The following LRRC56 variants were observed in gnomAD, a reference collection of about 807,000 sequenced individuals.
LRRC56 encodes leucine-rich repeat-containing protein 56.
A neutral mutation model predicts 47.8 loss-of-function variants in LRRC56; 41 were observed. The ratio of observed to expected loss-of-function variants is 0.86; its 90% CI spans 0.67 to 1.11. The LOEUF is 1.11. Among genes scored for constraint, LRRC56 ranks in the 50% most tolerant of loss-of-function variants. LRRC56 has a pLI of 0.00. For synonymous variants in LRRC56, 387 were observed against 311.2 expected (o/e 1.24, Z -2.56); for missense variants, 759 against 704.2 (o/e 1.08, Z -0.88).
the LRRC56 span, among the ~76,000 whole-genome samples, chr11:514,510 G>A: frequency 2.0e-5 from 3 of 151,988 alleles, no homozygotes; most frequent in Non-Finnish European, 4.4e-5. Flanking sequence ...CTGGTCTCCT[G>A]AGCTCATGCA....
At chr11:539,383 C>CTTTTTTT (rs1564796153) in intron 2 of LRRC56, among the ~76,000 whole-genome samples, 197 bp from the exon 3 acceptor site, 1 of 81,946 alleles carries the variant, frequency 1.2e-5, no homozygotes, top group African/African-American at 5.4e-5. Flanking sequence ...CCGCACCCAG[C>CTTTTTTT]CTTTTTTTTT....
At chr11:530,596 G>A in the LRRC56 span, among the ~76,000 whole-genome samples, 3 of 69,436 alleles carry the variant, frequency 4.3e-5, no homozygotes, top group South Asian at 1.9e-3. Flanking sequence ...GGAGTGTGGC[G>A]TCCCCTGGAG....
upstream of LRRC56, chr11:532,713 G>T: frequency 6.2e-7 from 1 of 1,613,194 alleles, no homozygotes; most frequent in South Asian, 1.1e-5. Flanking sequence ...AGCTTGTGCT[G>T]CCGGATCTCA....
chr11:554,115 G>T lies in LRRC56; in HGVS notation c.1468G>T (p.Gly490Cys). 1.2e-6 allele frequency: 2 copies of T among 1,605,386 alleles called. No individual in the cohort carries two copies. The highest frequency in any genetic ancestry group is 2.2e-5 in the South Asian group (2 of 90,790). The part of the protein sequence containing the change: ...RVLGSWGPGL[G>C]DGVAAVPVLR... Reference sequence around the variant, plus strand: ...CCTGGGCAGCTGGGGGCCTGGCCTGGGTGATGGGGTGGCTGCAGTGCCTGT... The same window carrying T: ...CCTGGGCAGCTGGGGGCCTGGCCTGTGTGATGGGGTGGCTGCAGTGCCTGT... The change falls in exon 14 of 14, where the codon GGT (glycine) becomes TGT (cysteine). Residue 490 changes from glycine to cysteine, a missense_variant. Physicochemically the swap from Gly to Cys is radical, Grantham distance 159. Coordinates refer to ENST00000270115, the MANE Select transcript of LRRC56 (RefSeq NM_198075.4).
At chr11:511,298 G>A in the LRRC56 span, among the ~76,000 whole-genome samples, 2 of 150,188 alleles carry the variant, frequency 1.3e-5, no homozygotes, top group East Asian at 3.9e-4. Flanking sequence ...TCCAGCCTGG[G>A]CGACAGAGCT....
upstream of LRRC56, chr11:533,256 C>T (rs768663236): frequency 6.4e-7 from 1 of 1,559,260 alleles, no homozygotes; most frequent in Non-Finnish European, 8.6e-7. Context: ...CCTCACTGCC[C>T]TGCCGTCCCG....
At chr11:547,642 A>G (rs1014012976) in intron 6 of LRRC56, among the ~76,000 whole-genome samples, 22 of 151,886 alleles carry the variant, frequency 1.4e-4, no homozygotes, top group Non-Finnish European at 2.6e-4. Flanking sequence ...GTGAGCCACC[A>G]CGCCCGGCCA....
chr11:511,538 C>T, the LRRC56 span, among the ~76,000 whole-genome samples: 1 of 152,196 alleles, frequency 6.6e-6, no homozygotes, highest in Admixed American at 6.5e-5. Flanking sequence ...TGCCACTTAG[C>T]AGGAGGAGCT....
chr11:533,097 G>T (rs543332590), upstream of LRRC56, among the ~76,000 whole-genome samples: 3 of 152,230 alleles, frequency 2.0e-5, no homozygotes, highest in African/African-American at 7.2e-5. Context: ...ACAGGTGCCC[G>T]TGGGACACTC....
Position 541,729 on chromosome 11 carries a change from C to G in LRRC56, c.265+105C>G, listed in dbSNP as rs1427824641. 8 of 700,134 alleles carry G rather than the reference C, an allele frequency of 1.1e-5. No individual in the cohort carries two copies. In the Admixed American group the frequency reaches 2.8e-4, roughly 24 times the overall value. 43.4% of individuals were successfully genotyped at this position (700,134 alleles called of 1,614,324 possible). A position where few individuals can be genotyped will look rare whatever the true frequency, so the allele number is the denominator to read the frequency against. On this transcript the variant is annotated intron_variant, in intron 5 of 13. Coordinates refer to ENST00000270115, the MANE Select transcript of LRRC56 (RefSeq NM_198075.4). The surrounding 1 kb of genome is among the most constrained non-coding windows in gnomAD (Gnocchi z 4.1). ...GACAAAGCTGTCCTCACCTCTCGGGCCGCGTATCGGCTTCCTTAGGGTTGG... is the reference window on the plus strand; with the variant it reads ...GACAAAGCTGTCCTCACCTCTCGGGGCGCGTATCGGCTTCCTTAGGGTTGG...
chr11:513,224 C>G, the LRRC56 span, among the ~76,000 whole-genome samples: 3 of 152,222 alleles, frequency 2.0e-5, no homozygotes, highest in African/African-American at 7.2e-5. Flanking sequence ...GGCGCAATCT[C>G]GGCTCACTGC....
upstream of LRRC56, chr11:534,360 G>A (rs372174407): frequency 9.1e-6 from 14 of 1,533,638 alleles, no homozygotes; most frequent in African/African-American, 8.2e-5. Flanking sequence ...TCCTCCTACA[G>A]GGTCTCCTGC....
chr11:512,861 C>G, the LRRC56 span, among the ~76,000 whole-genome samples: 149 of 152,264 alleles, frequency 9.8e-4, 1 homozygote, highest in African/African-American at 3.5e-3. Flanking sequence ...CCTGGCTTTG[C>G]CCAGGAAACA....
At position 543,798 on chromosome 11, in the gene LRRC56, G is replaced by T. The variant is rs529850524; in HGVS notation, c.266-922G>T. Among the ~76,000 whole-genome samples, 80 of 152,160 alleles carry T rather than the reference G, an allele frequency of 5.3e-4. No individual in the cohort carries two copies. In the East Asian group the frequency reaches 0.015, roughly 29 times the overall value. ...GAGTCTCGCTCTGTCACCCAGGCTG[G>T]AGTGCAGTGGCGCAATCTCGGCTCA... On this transcript the variant is annotated intron_variant, in intron 5 of 13. Coordinates refer to ENST00000270115, the MANE Select transcript of LRRC56 (RefSeq NM_198075.4).
At chr11:525,821 G>A in the LRRC56 span, among the ~76,000 whole-genome samples, 1 of 151,936 alleles carries the variant, frequency 6.6e-6, no homozygotes, top group East Asian at 1.9e-4. Flanking sequence ...GATCACTTAA[G>A]CCAGGCAGGT....
At chr11:545,457 G>A (rs1036266123) in intron 6 of LRRC56, among the ~76,000 whole-genome samples, 4 of 152,152 alleles carry the variant, frequency 2.6e-5, no homozygotes, top group Non-Finnish European at 4.4e-5. Flanking sequence ...CAGACCAGAC[G>A]GCAGCCCCTG....
At chr11:529,939 G>A in the LRRC56 span, among the ~76,000 whole-genome samples, 1 of 152,184 alleles carries the variant, frequency 6.6e-6, no homozygotes, top group East Asian at 1.9e-4. Flanking sequence ...CTAGCGGCAT[G>A]AGGGGGCTTC....
intron 13 of LRRC56, among the ~76,000 whole-genome samples, chr11:553,611 A>G (rs1852557063): frequency 6.6e-6 from 1 of 152,130 alleles, no homozygotes; most frequent in African/African-American, 2.4e-5. Context: ...AGGCTTGGGA[A>G]CCGGCCCGGG....
At chr11:511,758 C>T in the LRRC56 span, among the ~76,000 whole-genome samples, 2 of 152,172 alleles carry the variant, frequency 1.3e-5, no homozygotes, top group African/African-American at 4.8e-5. Context: ...TTCCCTCCTG[C>T]ACGGAGATGC....
Sources: allele counts gnomAD v4.1 joint callset (sites outside exome capture counted in the v4.1 genomes callset), GRCh38; gene constraint gnomAD v4.1.1; non-coding constraint Gnocchi (gnomAD v3.1); transcripts MANE v1.5; gene names NCBI Gene and HGNC (gene_info 2026-07-23, HGNC 2026-07-21).